NBEA: variants seen among roughly 807,000 people sequenced by gnomAD.
NBEA encodes the protein lysosomal-trafficking regulator 2.
A neutral mutation model predicts 343.4 loss-of-function variants in NBEA; 44 were observed. That is an observed-to-expected ratio of 0.13 (90% CI 0.10 to 0.16). The LOEUF is 0.16. Among genes scored for constraint, NBEA ranks in the 10% least tolerant of loss-of-function variants. NBEA has a pLI of 1.00. For synonymous variants in NBEA, 1,175 were observed against 1,238.7 expected (o/e 0.95, Z 1.08); for missense variants, 2,555 against 3,631.3 (o/e 0.70, Z 7.62).
At chr13:35,054,643 C>CTTTTTTTTTTTTT (rs1186551019) in intron 6 of NBEA, among the ~76,000 whole-genome samples, 19 of 117,458 alleles carry the variant, frequency 1.6e-4, no homozygotes, top group Non-Finnish European at 2.3e-4. Flanking sequence ...GTTTTCTTTT[C>CTTTTTTTTTTTTT]TTTTTTTTTT....
intron 48 of NBEA, among the ~76,000 whole-genome samples, chr13:35,610,699 T>C (rs1434547129): frequency 6.6e-6 from 1 of 152,104 alleles, no homozygotes; most frequent in Non-Finnish European, 1.5e-5. Flanking sequence ...AAAACATTGA[T>C]ACACTGGACT....
At chr13:35,262,048 C>T (rs1472244417) in intron 34 of NBEA, among the ~76,000 whole-genome samples, 1 of 152,128 alleles carries the variant, frequency 6.6e-6, no homozygotes, top group Non-Finnish European at 1.5e-5. Flanking sequence ...ATATTAAATG[C>T]CAGATGAGCA....
chr13:34,966,482 T>C (rs1400390240), intron 1 of NBEA, among the ~76,000 whole-genome samples: 3 of 152,036 alleles, frequency 2.0e-5, no homozygotes, highest in Admixed American at 6.6e-5. Flanking sequence ...ATAAATACTA[T>C]TAGAATCCAA....
chr13:35,406,487 A>G (rs997320667), intron 38 of NBEA, among the ~76,000 whole-genome samples: 1 of 151,982 alleles, frequency 6.6e-6, no homozygotes, highest in Non-Finnish European at 1.5e-5. Context: ...CCCCAAGTCC[A>G]TTGTATCATT....
At chr13:34,950,066 T>C (rs970338671) in intron 1 of NBEA, among the ~76,000 whole-genome samples, 2 of 152,158 alleles carry the variant, frequency 1.3e-5, no homozygotes, top group Admixed American at 1.3e-4. Flanking sequence ...TTTTTGATAC[T>C]CTTTTAGGGA....
chr13:34,986,937 A>G (rs922006474), intron 1 of NBEA, among the ~76,000 whole-genome samples: 11 of 150,948 alleles, frequency 7.3e-5, no homozygotes, highest in African/African-American at 2.2e-4. Flanking sequence ...TCCTGAATAC[A>G]GCACACTGAT....
At chr13:35,580,665 T>A (rs2153035868) in intron 45 of NBEA, among the ~76,000 whole-genome samples, 1 of 152,326 alleles carries the variant, frequency 6.6e-6, no homozygotes, top group East Asian at 1.9e-4. Flanking sequence ...TATTGCTGTT[T>A]GACTGTTAGA....
chr13:35,131,656 CCT>C (rs1465890170), intron 17 of NBEA, among the ~76,000 whole-genome samples: 1 of 152,152 alleles, frequency 6.6e-6, no homozygotes, highest in Non-Finnish European at 1.5e-5. Flanking sequence ...TTTCACCACC[CCT>C]GTTTGACATC....
At chr13:35,014,295 A>G (rs914478917) in intron 1 of NBEA, among the ~76,000 whole-genome samples, 1 of 151,978 alleles carries the variant, frequency 6.6e-6, no homozygotes, top group African/African-American at 2.4e-5. Context: ...AATTTTTGCA[A>G]TCTATTTGTG....
At chr13:35,134,205 A>G (rs534559170) in intron 17 of NBEA, among the ~76,000 whole-genome samples, 26 of 152,082 alleles carry the variant, frequency 1.7e-4, no homozygotes, top group Admixed American at 2.6e-4. Flanking sequence ...AAAATAGAAT[A>G]ATGGTAGAGA....
At chr13:35,355,589 A>G (rs554751515) in intron 38 of NBEA, among the ~76,000 whole-genome samples, 1 of 152,170 alleles carries the variant, frequency 6.6e-6, no homozygotes, top group South Asian at 2.1e-4. Flanking sequence ...TTTAGCATTC[A>G]CTGAGGGGGA....
intron 30 of NBEA, among the ~76,000 whole-genome samples, chr13:35,194,753 A>G (rs1290529809): frequency 6.6e-6 from 1 of 152,078 alleles, no homozygotes; most frequent in East Asian, 1.9e-4. Context: ...GGAGAACTTT[A>G]TTACATTAAC....
At chr13:35,485,530 G>T (rs191073594) in intron 41 of NBEA, among the ~76,000 whole-genome samples, 1 of 152,022 alleles carries the variant, frequency 6.6e-6, no homozygotes, top group Non-Finnish European at 1.5e-5. Flanking sequence ...TAGTTACATC[G>T]CAAAGCTTTT....
At chr13:35,564,350 C>T (rs115490405) in intron 44 of NBEA, among the ~76,000 whole-genome samples, 254 of 151,966 alleles carry the variant, frequency 1.7e-3, no homozygotes, top group African/African-American at 5.9e-3. Flanking sequence ...GGAATACTTG[C>T]TTTTCATTAA....
intron 49 of NBEA, among the ~76,000 whole-genome samples, chr13:35,640,630 G>T (rs762468377): frequency 7.2e-5 from 11 of 152,160 alleles, no homozygotes; most frequent in Non-Finnish European, 1.3e-4. Context: ...ATAAAGGAGA[G>T]CCTCATCAGA....
chr13:35,010,162 CTTG>C (rs1422535299), intron 1 of NBEA, among the ~76,000 whole-genome samples: 1 of 152,010 alleles, frequency 6.6e-6, no homozygotes, highest in Non-Finnish European at 1.5e-5. Flanking sequence ...TTATTAGTAT[CTTG>C]TTGATACTAA....
chr13:35,194,653 G>A (rs549362308), intron 30 of NBEA, among the ~76,000 whole-genome samples: 2 of 152,076 alleles, frequency 1.3e-5, no homozygotes, highest in South Asian at 2.1e-4. Context: ...TATTCAAAAC[G>A]ATTAAGTTAA....
intron 10 of NBEA, among the ~76,000 whole-genome samples, chr13:35,085,866 A>T (rs1409627449): frequency 2.6e-5 from 4 of 152,174 alleles, no homozygotes; most frequent in Non-Finnish European, 5.9e-5. Context: ...CCTTAAGCTG[A>T]TAAGCAACTT....
intron 36 of NBEA, among the ~76,000 whole-genome samples, chr13:35,340,547 G>A (rs2039530954): frequency 6.6e-6 from 1 of 152,048 alleles, no homozygotes; most frequent in African/African-American, 2.4e-5. Context: ...ATGGATATTA[G>A]TGATAGTAGC....
Sources: gnomAD v4.1 joint callset for allele counts (sites outside exome capture counted in the v4.1 genomes callset) on GRCh38, gnomAD v4.1.1 for gene constraint, MANE v1.5 for transcripts, NCBI Gene and HGNC (gene_info 2026-07-23, HGNC 2026-07-21) for gene names.